Variants in UNC13C observed in about 807,000 individuals in gnomAD.
UNC13C encodes protein unc-13 homolog C.
A neutral mutation model predicts 245.4 loss-of-function variants in UNC13C; 174 were observed. That is an observed-to-expected ratio of 0.71 (90% CI 0.63 to 0.80). UNC13C has a LOEUF of 0.80. Ranked by LOEUF, UNC13C falls within the 30% of genes least tolerant of loss-of-function variation. The pLI is 0.00. For synonymous variants in UNC13C, 992 were observed against 895.1 expected (o/e 1.11, Z -1.93); for missense variants, 2,829 against 2,602.9 (o/e 1.09, Z -1.89).
At chr15:53,986,655 C>T (rs998810473) in intron 1 of UNC13C, among the ~76,000 whole-genome samples, 5 of 152,008 alleles carry the variant, frequency 3.3e-5, no homozygotes, top group Admixed American at 2.0e-4. Context: ...AAAGTAGTTA[C>T]ACTTTCTGGA....
chr15:53,862,220 C>T, the UNC13C span, among the ~76,000 whole-genome samples: 70,370 of 151,834 alleles, frequency 0.46, 16,585 homozygotes, highest in Middle Eastern at 0.6. Flanking sequence ...TGCTTGTTCT[C>T]GTGGTCCAAT....
intron 13 of UNC13C, among the ~76,000 whole-genome samples, chr15:54,319,084 C>G (rs979327536): frequency 3.3e-5 from 5 of 151,794 alleles, no homozygotes; most frequent in Non-Finnish European, 5.9e-5. Context: ...CCTCCAGTAT[C>G]CCTCTAAAAA....
chr15:54,352,298 A>T (rs961839363), intron 17 of UNC13C, among the ~76,000 whole-genome samples: 7 of 145,534 alleles, frequency 4.8e-5, no homozygotes, highest in Non-Finnish European at 9.0e-5. Flanking sequence ...AATTATATTT[A>T]TATAATTAAT....
At position 54,332,632 on chromosome 15, in the gene UNC13C, C is replaced by T. The variant is rs570760201; in HGVS notation, c.4494+521C>T. On this transcript the variant is annotated intron_variant, in intron 15 of 32. Coordinates refer to ENST00000260323, the MANE Select transcript of UNC13C (RefSeq NM_001080534.3). ...ATCACCTCCTGGGGAAACACATACACATACCACAAATATATTCATGTACAT... is the reference window on the plus strand; with the variant it reads ...ATCACCTCCTGGGGAAACACATACATATACCACAAATATATTCATGTACAT... 4.6e-5 allele frequency among the ~76,000 whole-genome samples: 7 copies of T among 152,092 alleles called. No homozygotes were observed. The South Asian group carries it at 1.5e-3, about 32-fold the overall frequency.
intron 11 of UNC13C, 71 bp from the exon 12 acceptor site, chr15:54,297,740 C>G: frequency 8.6e-7 from 1 of 1,166,408 alleles, no homozygotes; most frequent in East Asian, 2.5e-5. Flanking sequence ...TGTTTTTTAG[C>G]TTTTGAGAGG....
chr15:54,082,250 T>C (rs1898983735), intron 2 of UNC13C, among the ~76,000 whole-genome samples: 1 of 152,214 alleles, frequency 6.6e-6, no homozygotes. Context: ...TATATCTTGG[T>C]GATGGTCATC....
chr15:53,868,607 GTCATAGA>G, the UNC13C span, among the ~76,000 whole-genome samples: 95,851 of 151,282 alleles, frequency 0.63, 30,388 homozygotes, highest in East Asian at 0.67. Flanking sequence ...TCCACAAAAA[GTCATAGA>G]TCTCTCCCTG....
At chr15:54,033,437 T>C (rs1159467327) in intron 2 of UNC13C, among the ~76,000 whole-genome samples, 1 of 152,180 alleles carries the variant, frequency 6.6e-6, no homozygotes, top group East Asian at 1.9e-4. Context: ...ACTTATCTTA[T>C]TGTCGTGGGA....
At chr15:53,911,489 C>A in the UNC13C span, 8 of 152,266 alleles carry the variant, frequency 5.3e-5, no homozygotes, top group Admixed American at 5.2e-4. Context: ...GCTTATACCC[C>A]CACTGATTTG....
At position 54,015,507 on chromosome 15, in the gene UNC13C, T is replaced by C. The variant is rs1322319403; in HGVS notation, c.2604T>C (p.Thr868=). 6.2e-7 allele frequency: 1 copy of C among 1,612,694 alleles called. No individual in the cohort carries two copies. The highest frequency in any genetic ancestry group is 1.3e-5 in the African/African-American group (1 of 74,892). The part of the protein sequence containing the change: ...YYKAEDEEDY[T]EPVADNETDY... ...AAGCAGAGGATGAGGAAGATTATACTGAACCAGTGGCTGACAATGAAACAG... is the reference window on the plus strand; with the variant it reads ...AAGCAGAGGATGAGGAAGATTATACCGAACCAGTGGCTGACAATGAAACAG... Residue 868 remains threonine, a synonymous_variant, in exon 2 of 33, where the codon ACT becomes ACC. Transcript: ENST00000260323.
At chr15:54,382,740 A>G (rs1421421157) in intron 17 of UNC13C, among the ~76,000 whole-genome samples, 1 of 152,158 alleles carries the variant, frequency 6.6e-6, no homozygotes, top group Non-Finnish European at 1.5e-5. Context: ...AATAGAGACT[A>G]AAGAAACCAA....
the UNC13C span, among the ~76,000 whole-genome samples, chr15:53,959,628 CCT>C: frequency 6.6e-6 from 1 of 152,110 alleles, no homozygotes; most frequent in African/African-American, 2.4e-5. Flanking sequence ...GGCTCAAAGA[CCT>C]CTAACTCAGT....
chr15:54,450,396 C>G (rs1297715404), intron 19 of UNC13C, among the ~76,000 whole-genome samples: 1 of 152,232 alleles, frequency 6.6e-6, no homozygotes, highest in Non-Finnish European at 1.5e-5. Flanking sequence ...CGGCAGGCCT[C>G]CTTGAGCTGT....
intron 13 of UNC13C, among the ~76,000 whole-genome samples, chr15:54,314,465 T>A (rs2037959118): frequency 6.6e-6 from 1 of 150,872 alleles, no homozygotes; most frequent in African/African-American, 2.4e-5. Flanking sequence ...ATAAAGAGAG[T>A]GAGGAGGATA....
At chr15:54,345,524 T>A (rs2038839829) in intron 17 of UNC13C, among the ~76,000 whole-genome samples, 1 of 152,220 alleles carries the variant, frequency 6.6e-6, no homozygotes. Context: ...ATATTGCAGA[T>A]GGCATAGCTA....
the UNC13C span, among the ~76,000 whole-genome samples, chr15:53,874,835 C>T: frequency 6.6e-6 from 1 of 152,204 alleles, no homozygotes; most frequent in Non-Finnish European, 1.5e-5. Context: ...GTGGCTCACG[C>T]CTGTAATCCC....
chr15:54,065,205 G>A (rs903970817), intron 2 of UNC13C, among the ~76,000 whole-genome samples: 1 of 152,080 alleles, frequency 6.6e-6, no homozygotes, highest in Non-Finnish European at 1.5e-5. Context: ...GTCCTCAGGG[G>A]CCCACCTCTC....
At chr15:54,328,608 T>A (rs28737361) in intron 14 of UNC13C, among the ~76,000 whole-genome samples, 46,249 of 151,696 alleles carry the variant, frequency 0.3, 7,240 homozygotes, top group Non-Finnish European at 0.33. Context: ...TAATGAGAGA[T>A]GCTGAGGATG....
intron 19 of UNC13C, among the ~76,000 whole-genome samples, chr15:54,462,946 T>G (rs1287340068): frequency 9.2e-5 from 14 of 152,058 alleles, no homozygotes; most frequent in Non-Finnish European, 2.1e-4. Flanking sequence ...AGAACTTTCG[T>G]GTCTAGCTAG....
Sources: gnomAD v4.1 joint callset for allele counts (sites outside exome capture counted in the v4.1 genomes callset) on GRCh38, gnomAD v4.1.1 for gene constraint, MANE v1.5 for transcripts, NCBI Gene and HGNC (gene_info 2026-07-23, HGNC 2026-07-21) for gene names.